SLC6A13: variants seen among roughly 807,000 people sequenced by gnomAD.
SLC6A13 encodes sodium- and chloride-dependent GABA transporter 2.
A neutral mutation model predicts 72.9 loss-of-function variants in SLC6A13; 69 were observed. That is an observed-to-expected ratio of 0.95 (90% CI 0.78 to 1.16). The LOEUF (loss-of-function observed/expected upper bound fraction) is 1.16, where lower values mean the gene tolerates loss of function less well. Ranked by LOEUF, SLC6A13 falls within the 50% of genes most tolerant of loss-of-function variation. The pLI is 0.00. For missense variants in SLC6A13, 735 were observed against 760.5 expected (o/e 0.97, Z 0.39); for synonymous variants, 303 against 303.0 (o/e 1.00, Z 0.00).
At chr12:222,313 C>T (rs754110210) in intron 13 of SLC6A13, among the ~76,000 whole-genome samples, 47 of 152,158 alleles carry the variant, frequency 3.1e-4, no homozygotes, top group Non-Finnish European at 6.0e-4. Context: ...TTGGTCAAAC[C>T]GTCTGACAGC....
At chr12:252,446 T>C (rs556875640) in intron 2 of SLC6A13, among the ~76,000 whole-genome samples, 175 of 152,338 alleles carry the variant, frequency 1.1e-3, no homozygotes, top group Non-Finnish European at 1.9e-3. Context: ...CGTATATACA[T>C]ATGTCAAAAT....
At chr12:256,901 A>C (rs1044208727) in intron 2 of SLC6A13, among the ~76,000 whole-genome samples, 2 of 151,704 alleles carry the variant, frequency 1.3e-5, no homozygotes, top group African/African-American at 4.8e-5. Flanking sequence ...TGCTCAGAAC[A>C]CTCTTCCCAT....
At chr12:242,509 T>C (rs1044526638) in intron 4 of SLC6A13, 105 bp downstream of exon 4, 18 of 929,638 alleles carry the variant, frequency 1.9e-5, no homozygotes, top group Middle Eastern at 2.6e-4. Context: ...TCGACTTGGG[T>C]GATTTCTGGT....
intron 4 of SLC6A13, among the ~76,000 whole-genome samples, chr12:241,236 G>A (rs1219274562): frequency 6.6e-6 from 1 of 152,190 alleles, no homozygotes; most frequent in Non-Finnish European, 1.5e-5. Context: ...CTGTGGGGTG[G>A]AGGTTGCAGT....
chr12:234,770 G>C (rs977012535), intron 7 of SLC6A13, among the ~76,000 whole-genome samples: 2 of 152,066 alleles, frequency 1.3e-5, no homozygotes, highest in African/African-American at 4.8e-5. Flanking sequence ...CACCCACTTC[G>C]GCCTCCCAAA....
intron 7 of SLC6A13, among the ~76,000 whole-genome samples, chr12:233,723 G>A (rs763871390): frequency 9.8e-5 from 15 of 152,288 alleles, no homozygotes; most frequent in Admixed American, 5.2e-4. Flanking sequence ...AGGACTGTGA[G>A]TGACACTTAT....
intron 2 of SLC6A13, chr12:259,590 G>C: frequency 1.4e-6 from 2 of 1,414,800 alleles, no homozygotes. Flanking sequence ...AGCAGAGCCA[G>C]AATCCAAACT....
At chr12:221,334 T>C (rs1228460167) in intron 14 of SLC6A13, 42 bp downstream of exon 14, 2 of 1,540,600 alleles carry the variant, frequency 1.3e-6, no homozygotes, top group South Asian at 1.2e-5. Flanking sequence ...CTGCGAAGCC[T>C]CCCAGCCCCT....
At position 224,530 on chromosome 12, in the gene SLC6A13, A is replaced by T. The variant is rs371144590; in HGVS notation, c.1061-17T>A. ...GGCCAGGGCCTACGACAAGGAGCAG[A>T]GGAACACGGGCCAGTGCCCGGGCCA... On this transcript the variant is annotated splice_polypyrimidine_tract_variant and intron_variant, in intron 9 of 14. Transcript: ENST00000343164. The T allele has an allele frequency of 2.7e-4, 430 of 1,606,444 alleles. No homozygotes were observed. The highest frequency in any genetic ancestry group is 8.2e-4 in the Middle Eastern group (5 of 6,066).
At chr12:237,876 C>T (rs919601208) in intron 5 of SLC6A13, 50 bp downstream of exon 5, 3 of 1,367,520 alleles carry the variant, frequency 2.2e-6, no homozygotes, top group Non-Finnish European at 3.1e-6. Flanking sequence ...CTCCCCATAC[C>T]CTTCTTCTGA....
intron 6 of SLC6A13, among the ~76,000 whole-genome samples, chr12:236,185 A>G (rs1941925184): frequency 6.6e-6 from 1 of 152,122 alleles, no homozygotes; most frequent in African/African-American, 2.4e-5. Context: ...GATCTTTGTT[A>G]GACACTTATT....
chr12:255,579 C>T (rs75284802), intron 2 of SLC6A13, among the ~76,000 whole-genome samples: 4,181 of 152,304 alleles, frequency 0.027, 121 homozygotes, highest in African/African-American at 0.083. Context: ...GCCTGTAGTC[C>T]CAGCTACTGG....
chr12:224,152 T>C lies in SLC6A13; in HGVS notation c.1174-23A>G, dbSNP rs763641475. On this transcript the variant is annotated intron_variant, in intron 10 of 14. Coordinates refer to ENST00000343164, the MANE Select transcript of SLC6A13 (RefSeq NM_016615.5). Reference sequence around the variant, plus strand: ...AAACTGGATGACAGGGCAAAGGGATTGGAGGGAAGGAGAGCTCCCGAGATG... The same window carrying C: ...AAACTGGATGACAGGGCAAAGGGATCGGAGGGAAGGAGAGCTCCCGAGATG... 7.4e-6 allele frequency: 12 copies of C among 1,613,546 alleles called. No individual in the cohort carries two copies. The South Asian group carries it at 1.3e-4, about 18-fold the overall frequency.
In SLC6A13 at chr12:228,389, G is replaced by A. The variant is rs1941558349; in HGVS notation, c.832-721C>T. ...ACCGAGCGACCCTGCAGATCTGCAG[G>A]ACCCTCCCCAGGAGCTCCTGCCCCT... On this transcript the variant is annotated intron_variant, in intron 7 of 14. Transcript: ENST00000343164. Among the ~76,000 whole-genome samples the A allele has an allele frequency of 2.0e-5, 3 of 152,064 alleles. No individual in the cohort carries two copies. The South Asian group carries it at 6.2e-4, about 32-fold the overall frequency.
At chr12:238,303 T>A in intron 4 of SLC6A13, 1 of 1,398,258 alleles carries the variant, frequency 7.2e-7, no homozygotes, top group Non-Finnish European at 9.4e-7. Context: ...CTTCAAGGCA[T>A]GCTAACATTT....
chr12:223,401 C>T (rs768744610), intron 11 of SLC6A13, among the ~76,000 whole-genome samples, 167 bp from the exon 12 acceptor site: 66 of 150,788 alleles, frequency 4.4e-4, no homozygotes, highest in African/African-American at 2.2e-4. Context: ...AAGCATGAGG[C>T]GGATATGAGA....
intron 2 of SLC6A13, among the ~76,000 whole-genome samples, chr12:244,582 C>T (rs1369592699): frequency 1.3e-5 from 2 of 151,626 alleles, no homozygotes; most frequent in Admixed American, 6.6e-5. Flanking sequence ...CCTAGCTACT[C>T]GGGAGGCTGA....
At chr12:222,737 GAGATGACATCAC>G (rs1941266622) in intron 12 of SLC6A13, 105 bp from the exon 13 acceptor site, 1 of 665,382 alleles carries the variant, frequency 1.5e-6, no homozygotes, top group East Asian at 2.8e-5. Context: ...GACCCATAAA[GAGATGACATCAC>G]AGCTGTCTGT....
intron 9 of SLC6A13, among the ~76,000 whole-genome samples, chr12:224,986 A>C (rs1941381196): frequency 6.6e-6 from 1 of 152,230 alleles, no homozygotes; most frequent in African/African-American, 2.4e-5. Flanking sequence ...GTACCAAAAA[A>C]ATCGCTCCAA....
Sources: allele counts gnomAD v4.1 joint callset (sites outside exome capture counted in the v4.1 genomes callset), GRCh38; gene constraint gnomAD v4.1.1; transcripts MANE v1.5; gene names NCBI Gene and HGNC (gene_info 2026-07-23, HGNC 2026-07-21).